NDST4: variants seen among roughly 807,000 people sequenced by gnomAD.
NDST4 encodes N-deacetylase and N-sulfotransferase 4.
NDST4 carries 63 observed loss-of-function variants against 100.8 expected under a neutral mutation model. The ratio of observed to expected loss-of-function variants is 0.62; its 90% CI spans 0.51 to 0.77. The LOEUF (loss-of-function observed/expected upper bound fraction) is 0.77, where lower values mean the gene tolerates loss of function less well. Among genes scored for constraint, NDST4 ranks in the 30% least tolerant of loss-of-function variants. NDST4 has a pLI of 0.00. For missense variants in NDST4, 943 were observed against 1,018.4 expected (o/e 0.93, Z 1.01); for synonymous variants, 377 against 361.8 (o/e 1.04, Z -0.48).
chr4:114,950,138 A>G (rs1725957648), intron 4 of NDST4, among the ~76,000 whole-genome samples: 2 of 152,000 alleles, frequency 1.3e-5, no homozygotes, highest in African/African-American at 4.8e-5. Context: ...CTGAAGCTCT[A>G]ACACCTAGGA....
intron 1 of NDST4, among the ~76,000 whole-genome samples, chr4:115,080,164 T>A (rs1384497682): frequency 1.3e-5 from 2 of 152,084 alleles, no homozygotes; most frequent in Non-Finnish European, 2.9e-5. Context: ...TGAGATGGAG[T>A]CTTGCTCTGT....
chr4:114,953,888 T>C (rs1726078819), intron 4 of NDST4, among the ~76,000 whole-genome samples: 1 of 152,180 alleles, frequency 6.6e-6, no homozygotes, highest in Non-Finnish European at 1.5e-5. Flanking sequence ...AAGAATACTT[T>C]TAAACTGCTA....
At chr4:115,014,357 A>G (rs1727628860) in intron 2 of NDST4, among the ~76,000 whole-genome samples, 1 of 152,068 alleles carries the variant, frequency 6.6e-6, no homozygotes, top group Non-Finnish European at 1.5e-5. Flanking sequence ...TGGGTAAGAC[A>G]TTTGCAAATA....
chr4:114,981,038 C>A (rs1726758937), intron 2 of NDST4, among the ~76,000 whole-genome samples: 1 of 151,942 alleles, frequency 6.6e-6, no homozygotes, highest in African/African-American at 2.4e-5. Context: ...ATGGTGCAAC[C>A]CCTTCTCTAC....
intron 4 of NDST4, among the ~76,000 whole-genome samples, chr4:114,962,625 C>G (rs922950523): frequency 4.6e-5 from 7 of 151,900 alleles, no homozygotes; most frequent in African/African-American, 1.7e-4. Context: ...AATTTAGACT[C>G]TGAAAATTAT....
At chr4:115,079,325 C>A (rs1162052652) in intron 1 of NDST4, among the ~76,000 whole-genome samples, 24 of 149,760 alleles carry the variant, frequency 1.6e-4, no homozygotes, top group Admixed American at 1.6e-3. Context: ...GCATGCCAGC[C>A]TGGCCAGTCT....
At chr4:114,853,813 T>C (rs1228519705) in intron 7 of NDST4, among the ~76,000 whole-genome samples, 1 of 152,152 alleles carries the variant, frequency 6.6e-6, no homozygotes, top group Admixed American at 6.5e-5. Context: ...ACTTAATTTT[T>C]AATTTTTTAA....
At chr4:115,068,113 T>C (rs1349528030) in intron 2 of NDST4, among the ~76,000 whole-genome samples, 2 of 152,112 alleles carry the variant, frequency 1.3e-5, no homozygotes, top group Non-Finnish European at 2.9e-5. Flanking sequence ...TTTCCCTGTG[T>C]TTTCAAGACC....
At chr4:115,038,969 T>C (rs1728291447) in intron 2 of NDST4, among the ~76,000 whole-genome samples, 1 of 150,954 alleles carries the variant, frequency 6.6e-6, no homozygotes, top group African/African-American at 2.5e-5. Context: ...GACAGCAAGA[T>C]ACTACCTCAG....
At position 114,870,771 on chromosome 4, in the gene NDST4, C is replaced by T; in HGVS notation, c.1716G>A (p.Trp572Ter). ...ELFPEQKDPL[W>*]QNPCDDKRHK... ...AAGAGAGAATGTTAAATGTTACCTG[C>T]CATAGAGGGTCTTTCTGCTCAGGGA... is the stretch of plus-strand genomic sequence containing the variant. The change falls in exon 7 of 14, where the codon TGG becomes TGA. Residue 572 changes from tryptophan (W) to a stop codon, truncating the protein, a stop_gained. Coordinates refer to ENST00000264363, the MANE Select transcript of NDST4 (RefSeq NM_022569.3). LOFTEE classifies it high-confidence loss of function. The T allele has an allele frequency of 6.2e-7, 1 of 1,606,120 alleles. No individual in the cohort carries two copies. Among genetic ancestry groups the T allele is most frequent in the Non-Finnish European group, 8.5e-7 (1 of 1,176,766 alleles).
chr4:114,993,489 T>C lies in NDST4; in HGVS notation c.979-16215A>G, dbSNP rs974500827. Among the ~76,000 whole-genome samples the C allele has an allele frequency of 5.9e-5, 9 of 151,972 alleles. 1 individual carries two copies. The highest frequency in any genetic ancestry group is 1.9e-4 in the African/African-American group (8 of 41,434). On this transcript the variant is annotated intron_variant, in intron 2 of 13. Coordinates refer to ENST00000264363, the MANE Select transcript of NDST4 (RefSeq NM_022569.3). ...TAGAAAGTGGCTCACTCAGCATTAA[T>C]TGCAGTTTGGTATCACACTTCCCAA...
At chr4:114,986,793 C>CATATGTGTATATATAT (rs1218840726) in intron 2 of NDST4, among the ~76,000 whole-genome samples, 1 of 91,148 alleles carries the variant, frequency 1.1e-5, no homozygotes, top group African/African-American at 4.5e-5. Context: ...TCCAATTATA[C>CATATGTGTATATATAT]ATATATATAT....
At chr4:115,021,438 T>C (rs1048670940) in intron 2 of NDST4, among the ~76,000 whole-genome samples, 1 of 151,392 alleles carries the variant, frequency 6.6e-6, no homozygotes, top group Non-Finnish European at 1.5e-5. Context: ...TATACACACA[T>C]TCCACATATA....
At chr4:114,874,166 T>C (rs976640381) in intron 6 of NDST4, among the ~76,000 whole-genome samples, 3 of 152,174 alleles carry the variant, frequency 2.0e-5, no homozygotes, top group African/African-American at 7.2e-5. Context: ...TAAGTAAGAA[T>C]ATTACTTTGA....
chr4:115,002,656 G>A (rs1727319153), intron 2 of NDST4, among the ~76,000 whole-genome samples: 1 of 152,068 alleles, frequency 6.6e-6, no homozygotes, highest in African/African-American at 2.4e-5. Context: ...AAACCACTGA[G>A]GAAGACAGTG....
intron 4 of NDST4, among the ~76,000 whole-genome samples, chr4:114,956,915 G>A (rs72681432): frequency 0.019 from 2,884 of 152,162 alleles, 35 homozygotes; most frequent in Non-Finnish European, 0.027. Flanking sequence ...AAACAGGATG[G>A]TGTAATTCAT....
At chr4:114,850,487 G>A (rs1723652738) in intron 8 of NDST4, among the ~76,000 whole-genome samples, 1 of 151,958 alleles carries the variant, frequency 6.6e-6, no homozygotes, top group African/African-American at 2.4e-5. Context: ...ACCTCAAAAT[G>A]CACATTTTAA....
At chr4:114,971,753 G>A (rs1398337022) in intron 3 of NDST4, among the ~76,000 whole-genome samples, 1 of 152,048 alleles carries the variant, frequency 6.6e-6, no homozygotes, top group Non-Finnish European at 1.5e-5. Context: ...AATGTTCCAT[G>A]TGTGTGTCTT....
intron 6 of NDST4, among the ~76,000 whole-genome samples, chr4:114,929,046 G>A (rs907028490): frequency 1.6e-4 from 11 of 68,996 alleles, no homozygotes; most frequent in South Asian, 1.0e-3. Flanking sequence ...CTGTCTGTCC[G>A]TCCGTCCGTC....
Sources: allele counts gnomAD v4.1 joint callset (sites outside exome capture counted in the v4.1 genomes callset), GRCh38; gene constraint gnomAD v4.1.1; transcripts MANE v1.5; gene names NCBI Gene and HGNC (gene_info 2026-07-23, HGNC 2026-07-21).